Variants in FAM3B observed in about 807,000 individuals in gnomAD.
FAM3B encodes protein FAM3B.
Under a neutral mutation model 28.4 loss-of-function variants are expected in FAM3B, and 29 were observed. The observed-to-expected ratio is 1.02, with a 90% CI of 0.76 to 1.39. The LOEUF (loss-of-function observed/expected upper bound fraction) is 1.39. Among genes scored for constraint, FAM3B ranks in the 40% most tolerant of loss-of-function variants. FAM3B has a pLI of 0.00. For synonymous variants in FAM3B, 91 were observed against 103.0 expected, an observed-to-expected ratio of 0.88 and a Z score of 0.71; for missense variants, 266 against 293.9, an observed-to-expected ratio of 0.91 and a Z score of 0.69.
chr21:41,343,548 A>C (rs111752961), intron 3 of FAM3B, among the ~76,000 whole-genome samples: 3,223 of 152,344 alleles, frequency 0.021, 46 homozygotes, highest in East Asian at 0.086. Flanking sequence ...AGGGGAGTTT[A>C]GGTAAAGGTG....
upstream of FAM3B, among the ~76,000 whole-genome samples, chr21:41,314,655 A>G (rs959433315): frequency 1.3e-5 from 2 of 152,214 alleles, no homozygotes; most frequent in Non-Finnish European, 2.9e-5. Flanking sequence ...TGATATACAA[A>G]TAGCCAACAA....
At chr21:41,311,249 AAAATATATATATATAT>A (rs1377181004) in intron 1 of FAM3B, among the ~76,000 whole-genome samples, 50 of 56,628 alleles carry the variant, frequency 8.8e-4, no homozygotes, top group African/African-American at 1.6e-3. Flanking sequence ...AAAAAAAAAA[AAAATATATATATATAT>A]ATATATATAT....
chr21:41,331,472 T>C (rs2088905154), intron 2 of FAM3B, among the ~76,000 whole-genome samples: 1 of 152,222 alleles, frequency 6.6e-6, no homozygotes, highest in African/African-American at 2.4e-5. Flanking sequence ...TTTGCTTGTG[T>C]TGCCTGTGCT....
rs1215357068 is a variant in FAM3B, at chr21:41,311,250, AAATATATATATATATATATAT to A, written n.99+6942_99+6962del. 1.0e-3 allele frequency among the ~76,000 whole-genome samples: 58 copies of A among 55,966 alleles called. 1 individual carries two copies. The highest frequency in any genetic ancestry group is 2.9e-3 in the African/African-American group (37 of 12,828). 36.7% of individuals were successfully genotyped at this position (55,966 alleles called of 152,430 possible). On this transcript the variant is annotated intron_variant and non_coding_transcript_variant, in intron 1 of 9. Transcript: ENST00000479810. ...CCCTGTCTCTACAAAAAAAAAAAAA[AAATATATATATATATATATAT>A]ATATATATATATATATATATATATA...
chr21:41,342,227 G>A (rs766181243), intron 3 of FAM3B, among the ~76,000 whole-genome samples: 5 of 152,028 alleles, frequency 3.3e-5, no homozygotes, highest in Admixed American at 6.5e-5. Context: ...TCTTATTGTC[G>A]CTGCTGTGAA....
At chr21:41,345,859 T>A in intron 5 of FAM3B, 123 bp downstream of exon 5, 1 of 685,074 alleles carries the variant, frequency 1.5e-6, no homozygotes, top group South Asian at 1.6e-5. Context: ...GCAGCTCTCC[T>A]GAGTAATCTA....
At chr21:41,316,765 C>G, upstream of FAM3B, 5 of 1,097,588 alleles carry the variant, frequency 4.6e-6, no homozygotes, top group Non-Finnish European at 6.0e-6. Context: ...CCAGCTGGCC[C>G]GCCCCTGCCC....
At chr21:41,355,709 A>G (rs1327581617) in intron 7 of FAM3B, among the ~76,000 whole-genome samples, 2 of 152,208 alleles carry the variant, frequency 1.3e-5, no homozygotes, top group Non-Finnish European at 2.9e-5. Context: ...GCTAATGGGC[A>G]CATGGCTTCT....
rs751512823 is a variant in FAM3B at position 41,348,643 on chromosome 21, C to T, written c.537C>T (p.Ile179=). 6.2e-7 allele frequency: 1 copy of T among 1,614,190 alleles called. No individual in the cohort carries two copies. ...NAIEALGSKE[I]RNMKFRSSWV... is the part of the protein sequence containing the mutation. ...TAGAAGCACTTGGAAGTAAAGAAATCAGGAACATGAAATTCAGGTCTAGCT... is the reference window on the plus strand; with the variant it reads ...TAGAAGCACTTGGAAGTAAAGAAATTAGGAACATGAAATTCAGGTCTAGCT... The change falls in exon 7 of 8, where the codon ATC becomes ATT. Residue 179 remains isoleucine (I), a synonymous_variant. Coordinates refer to ENST00000357985, the MANE Select transcript of FAM3B (RefSeq NM_058186.4).
intron 2 of FAM3B, among the ~76,000 whole-genome samples, chr21:41,328,133 G>A (rs1329146953): frequency 6.6e-6 from 1 of 152,192 alleles, no homozygotes; most frequent in Non-Finnish European, 1.5e-5. Flanking sequence ...ACGGGAAAGT[G>A]GACAGGTCTG....
intron 3 of FAM3B, among the ~76,000 whole-genome samples, chr21:41,340,222 C>T (rs2088993119): frequency 6.7e-6 from 1 of 149,616 alleles, no homozygotes; most frequent in South Asian, 2.1e-4. Flanking sequence ...GGCGCCATCT[C>T]GGCTCACTGC....
Position 41,316,873 on chromosome 21 carries a change from C to G in FAM3B, c.-7C>G. On this transcript the variant is annotated 5_prime_UTR_variant, in exon 1 of 8. Transcript: ENST00000357985. ...GCCAGGGCCAGGAGGGGAGCGGCACCTGGAAGATGCGCCCATTGGCTGGTG... is the reference window on the plus strand; with the variant it reads ...GCCAGGGCCAGGAGGGGAGCGGCACGTGGAAGATGCGCCCATTGGCTGGTG... 7.1e-7 allele frequency: 1 copy of G among 1,414,370 alleles called. No homozygotes were observed. Among genetic ancestry groups the G allele is most frequent in the Non-Finnish European group, 9.2e-7 (1 of 1,086,594 alleles). The allele number at this position is 1,414,370 out of a possible 1,614,324, so 87.6% of individuals were successfully genotyped here.
chr21:41,350,792 G>A lies in FAM3B; in HGVS notation c.618+2068G>A, dbSNP rs138290561. 2.1e-3 allele frequency among the ~76,000 whole-genome samples: 314 copies of A among 152,326 alleles called. 1 individual carries two copies. Among genetic ancestry groups the A allele is most frequent in the Middle Eastern group, 6.8e-3 (2 of 294 alleles). Reference sequence around the variant, plus strand: ...ACACTTCCCCTTAACAGCGTCCTCCGACTTCTCTGCTCCTTCCCCGGCTCT... The same window carrying A: ...ACACTTCCCCTTAACAGCGTCCTCCAACTTCTCTGCTCCTTCCCCGGCTCT... On this transcript the variant is annotated intron_variant, in intron 7 of 7. Transcript: ENST00000357985.
intron 1 of FAM3B, chr21:41,304,432 ACCGG>A (rs1178551144): frequency 2.7e-6 from 1 of 369,298 alleles, no homozygotes; most frequent in Non-Finnish European, 5.3e-6. Context: ...GGTTGCCTGC[ACCGG>A]CGGTTTCCCA....
At chr21:41,304,674 G>A (rs1568906568) in intron 1 of FAM3B, among the ~76,000 whole-genome samples, 1 of 152,166 alleles carries the variant, frequency 6.6e-6, no homozygotes, top group African/African-American at 2.4e-5. Flanking sequence ...GACCCCACAC[G>A]GGCGACCAGG....
intron 2 of FAM3B, among the ~76,000 whole-genome samples, chr21:41,327,066 G>A (rs1402321781): frequency 6.6e-6 from 1 of 152,214 alleles, no homozygotes; most frequent in Non-Finnish European, 1.5e-5. Flanking sequence ...AGGCCCGGGT[G>A]CCCTGTGGCC....
Position 41,335,455 on chromosome 21 carries a change from AT to A in FAM3B, c.164-2919del, listed in dbSNP as rs963497539. 5.9e-5 allele frequency among the ~76,000 whole-genome samples: 9 copies of A among 152,134 alleles called. 1 individual carries two copies. Among genetic ancestry groups the A allele is most frequent in the East Asian group, 1.9e-4 (1 of 5,162 alleles). On this transcript the variant is annotated intron_variant, in intron 2 of 7. Transcript: ENST00000357985. Reference sequence around the variant, plus strand: ...CCTGAGGCAGTGCTCATAACAGTGAATTTTCATGAGACGTGGTTGTTTAAAA... The same window carrying A: ...CCTGAGGCAGTGCTCATAACAGTGAATTTCATGAGACGTGGTTGTTTAAAA...
At chr21:41,311,236 C>CAAAAAAAAAAAA (rs71848321) in intron 1 of FAM3B, among the ~76,000 whole-genome samples, 11 of 23,498 alleles carry the variant, frequency 4.7e-4, no homozygotes, top group East Asian at 4.5e-3. Flanking sequence ...CCTGTCTCTA[C>CAAAAAAAAAAAA]AAAAAAAAAA....
intron 1 of FAM3B, among the ~76,000 whole-genome samples, chr21:41,307,090 G>C (rs542547914): frequency 1.3e-5 from 2 of 152,330 alleles, no homozygotes; most frequent in African/African-American, 4.8e-5. Context: ...AAGGCTGTTT[G>C]TCTACATTGA....
Sources: gnomAD v4.1 joint callset for allele counts (sites outside exome capture counted in the v4.1 genomes callset) on GRCh38, gnomAD v4.1.1 for gene constraint, MANE v1.5 for transcripts, NCBI Gene and HGNC (gene_info 2026-07-23, HGNC 2026-07-21) for gene names.